The following ACTR3C variants were observed in gnomAD, a reference collection of about 807,000 sequenced individuals.
ACTR3C encodes the protein actin-related protein 3C.
Under a neutral mutation model 26.3 loss-of-function variants are expected in ACTR3C, and 18 were observed. That is an observed-to-expected ratio of 0.68 (90% CI 0.47 to 1.01). The LOEUF (loss-of-function observed/expected upper bound fraction) is 1.01. Among genes scored for constraint, ACTR3C ranks in the 50% least tolerant of loss-of-function variants. ACTR3C has a pLI of 0.00. For synonymous variants in ACTR3C, 55 were observed against 94.5 expected (o/e 0.58, Z 2.42); for missense variants, 184 against 250.7 (o/e 0.73, Z 1.80).
At chr7:150,091,204 G>T in the ACTR3C span, among the ~76,000 whole-genome samples, 3 of 137,494 alleles carry the variant, frequency 2.2e-5, no homozygotes, top group East Asian at 4.5e-4. Flanking sequence ...CTCACATGGG[G>T]TCTGGAAACC....
the ACTR3C span, among the ~76,000 whole-genome samples, chr7:149,925,215 A>G: frequency 6.6e-6 from 1 of 152,108 alleles, no homozygotes. Context: ...CACAAAATAG[A>G]ATTGAACTAA....
the ACTR3C span, among the ~76,000 whole-genome samples, chr7:149,954,600 T>A: frequency 2.0e-5 from 3 of 151,046 alleles, no homozygotes; most frequent in East Asian, 5.8e-4. Flanking sequence ...AGTTTCTTAT[T>A]CAATATTTGG....
the ACTR3C span, among the ~76,000 whole-genome samples, chr7:149,886,953 G>A: frequency 2.2e-5 from 2 of 89,334 alleles, no homozygotes; most frequent in Non-Finnish European, 2.2e-5. Context: ...GAGCGAGACT[G>A]ACTCAAAAAA....
intron 6 of ACTR3C, among the ~76,000 whole-genome samples, chr7:150,252,760 T>C (rs1468540867): frequency 6.6e-6 from 1 of 152,214 alleles, no homozygotes; most frequent in African/African-American, 2.4e-5. Context: ...TCTCTGACCA[T>C]CTAATTGTAT....
the ACTR3C span, among the ~76,000 whole-genome samples, chr7:150,126,488 G>A: frequency 4.4e-4 from 67 of 152,270 alleles, 1 homozygote; most frequent in African/African-American, 1.6e-3. Context: ...TTCCACATGG[G>A]AAACGAGAGA....
intron 6 of ACTR3C, among the ~76,000 whole-genome samples, chr7:150,280,371 C>G (rs1835220942): frequency 6.6e-6 from 1 of 152,236 alleles, no homozygotes; most frequent in African/African-American, 2.4e-5. Flanking sequence ...CCCTTCTCAT[C>G]TACACATCAG....
the ACTR3C span, among the ~76,000 whole-genome samples, chr7:149,895,773 T>G: frequency 5.9e-5 from 9 of 152,308 alleles, no homozygotes; most frequent in Admixed American, 1.3e-4. Context: ...CAATGAGCTA[T>G]GATAGCCCCA....
chr7:149,896,966 C>T, the ACTR3C span, among the ~76,000 whole-genome samples: 1 of 149,076 alleles, frequency 6.7e-6, no homozygotes, highest in Non-Finnish European at 1.5e-5. Flanking sequence ...GAGGCTGAGG[C>T]AGGAGAATCA....
the ACTR3C span, among the ~76,000 whole-genome samples, chr7:149,969,837 A>G: frequency 6.6e-6 from 1 of 152,190 alleles, no homozygotes; most frequent in Non-Finnish European, 1.5e-5. Context: ...TTTTTAAAGT[A>G]GTGAAATCCC....
the ACTR3C span, chr7:149,891,406 C>T: frequency 8.0e-7 from 1 of 1,255,818 alleles, no homozygotes; most frequent in Non-Finnish European, 1.1e-6. Flanking sequence ...TAAAGGTCTC[C>T]TTCTCATTGC....
At chr7:150,125,486 G>T in the ACTR3C span, among the ~76,000 whole-genome samples, 1 of 150,444 alleles carries the variant, frequency 6.6e-6, no homozygotes, top group Admixed American at 6.6e-5. Context: ...TGGGTGGGGG[G>T]TCCTGTTTCT....
At chr7:150,035,725 G>T in the ACTR3C span, among the ~76,000 whole-genome samples, 1 of 140,258 alleles carries the variant, frequency 7.1e-6, no homozygotes, top group East Asian at 2.1e-4. Flanking sequence ...GGTGAAGATG[G>T]TCTGGCTCTC....
At chr7:150,276,403 C>T (rs995348778) in intron 6 of ACTR3C, among the ~76,000 whole-genome samples, 1 of 152,186 alleles carries the variant, frequency 6.6e-6, no homozygotes, top group Non-Finnish European at 1.5e-5. Context: ...GAGGACAGCC[C>T]TATTAGAAGC....
chr7:150,038,386 C>G, the ACTR3C span, among the ~76,000 whole-genome samples: 1 of 142,006 alleles, frequency 7.0e-6, no homozygotes, highest in East Asian at 2.0e-4. Flanking sequence ...TTTGTCAGGT[C>G]GGGTGGGCTG....
At chr7:149,904,530 C>CA in the ACTR3C span, among the ~76,000 whole-genome samples, 257 of 101,460 alleles carry the variant, frequency 2.5e-3, 74 homozygotes, top group South Asian at 0.056. Flanking sequence ...GACTCCATCT[C>CA]AAAAAACAAC....
At chr7:149,963,149 C>T in the ACTR3C span, among the ~76,000 whole-genome samples, 417 of 152,292 alleles carry the variant, frequency 2.7e-3, no homozygotes, top group African/African-American at 6.4e-3. Context: ...CCTGGGATGA[C>T]GCCAAGTCTT....
the ACTR3C span, among the ~76,000 whole-genome samples, chr7:149,968,707 TTG>T: frequency 1.3e-5 from 2 of 152,090 alleles, no homozygotes; most frequent in Non-Finnish European, 2.9e-5. Context: ...TTAATTTTAA[TTG>T]TACGGTCCAA....
At chr7:150,105,827 C>A in the ACTR3C span, among the ~76,000 whole-genome samples, 1 of 151,978 alleles carries the variant, frequency 6.6e-6, no homozygotes, top group Non-Finnish European at 1.5e-5. Flanking sequence ...CTTCTAAAAC[C>A]AGTTAAGTGA....
the ACTR3C span, among the ~76,000 whole-genome samples, chr7:149,981,982 C>G: frequency 6.6e-6 from 1 of 152,164 alleles, no homozygotes; most frequent in Non-Finnish European, 1.5e-5. Context: ...AGAATGAGAC[C>G]CATGGCTACA....
Sources: allele counts gnomAD v4.1 joint callset (sites outside exome capture counted in the v4.1 genomes callset), GRCh38; gene constraint gnomAD v4.1.1; transcripts MANE v1.5; gene names NCBI Gene and HGNC (gene_info 2026-07-23, HGNC 2026-07-21).